FHIT: variants seen among roughly 807,000 people sequenced by gnomAD.
The protein encoded by FHIT is bis(5'-adenosyl)-triphosphatase.
A neutral mutation model predicts 17.9 loss-of-function variants in FHIT; 19 were observed. The ratio of observed to expected loss-of-function variants is 1.06; its 90% confidence interval spans 0.74 to 1.56. The LOEUF (loss-of-function observed/expected upper bound fraction) is 1.56, where lower values mean the gene tolerates loss of function less well. Among genes scored for constraint, FHIT ranks in the 40% most tolerant of loss-of-function variants. FHIT has a pLI of 0.00. For synonymous variants in FHIT, 81 were observed against 69.7 expected (o/e 1.16, Z -0.81); for missense variants, 248 against 189.2 (o/e 1.31, Z -1.82).
At chr3:61,207,759 CA>C (rs1342573436) in intron 1 of FHIT, among the ~76,000 whole-genome samples, 1 of 152,024 alleles carries the variant, frequency 6.6e-6, no homozygotes, top group Non-Finnish European at 1.5e-5. Context: ...TTGATCTTTT[CA>C]AAAAACCAGC....
At chr3:60,170,725 A>T (rs894220359) in intron 5 of FHIT, among the ~76,000 whole-genome samples, 5 of 152,182 alleles carry the variant, frequency 3.3e-5, no homozygotes, top group African/African-American at 1.2e-4. Flanking sequence ...GAAAAAAATA[A>T]CATTCTCCCA....
intron 5 of FHIT, among the ~76,000 whole-genome samples, chr3:60,384,708 A>AAAC (rs111660638): frequency 0.29 from 44,017 of 151,482 alleles, 6,517 homozygotes; most frequent in East Asian, 0.47. Context: ...CAAAATCTTA[A>AAAC]AACAACAACA....
At chr3:60,924,477 A>G (rs1707467967) in intron 3 of FHIT, among the ~76,000 whole-genome samples, 1 of 152,228 alleles carries the variant, frequency 6.6e-6, no homozygotes, top group Middle Eastern at 3.2e-3. Context: ...GCAAACTCTA[A>G]CAGACCTGCA....
intron 5 of FHIT, among the ~76,000 whole-genome samples, chr3:60,179,560 G>A (rs1375265396): frequency 1.3e-5 from 2 of 152,092 alleles, no homozygotes; most frequent in Non-Finnish European, 2.9e-5. Flanking sequence ...TTTGGAGGAT[G>A]TGCCATTTTT....
chr3:61,230,521 A>G (rs1329300229), intron 1 of FHIT, among the ~76,000 whole-genome samples: 1 of 152,144 alleles, frequency 6.6e-6, no homozygotes, highest in Non-Finnish European at 1.5e-5. Context: ...TATTTTTTTA[A>G]TAAATTACTG....
chr3:60,680,515 A>T (rs115933108), intron 4 of FHIT, among the ~76,000 whole-genome samples: 258 of 150,682 alleles, frequency 1.7e-3, no homozygotes, highest in African/African-American at 6.1e-3. Context: ...TAACATTTTC[A>T]TGGTAAAATG....
At chr3:61,052,352 A>C (rs1411699476) in intron 2 of FHIT, among the ~76,000 whole-genome samples, 3 of 152,126 alleles carry the variant, frequency 2.0e-5, no homozygotes, top group African/African-American at 7.2e-5. Flanking sequence ...CTTTAGAAAG[A>C]CTTGCTAACT....
rs79148932 is a variant in FHIT, at chr3:60,803,040, G to A, written c.-18+18879C>T. Reference sequence around the variant, plus strand: ...TAAATAAATAAATAAATAAATAGGAGAGTTTCTGTTTTCAACTGTTGATGG... The same window carrying A: ...TAAATAAATAAATAAATAAATAGGAAAGTTTCTGTTTTCAACTGTTGATGG... On this transcript the variant is annotated intron_variant, in intron 4 of 9. Transcript: ENST00000492590. Among the ~76,000 whole-genome samples, 1,480 of 151,876 alleles carry A rather than the reference G, an allele frequency of 9.7e-3. 29 individuals are homozygous for A. The highest frequency in any genetic ancestry group is 0.034 in the African/African-American group (1,390 of 41,214).
intron 3 of FHIT, among the ~76,000 whole-genome samples, chr3:60,957,282 G>C (rs6805796): frequency 0.35 from 47,659 of 136,032 alleles, 8,433 homozygotes; most frequent in Middle Eastern, 0.57. Context: ...TTGTTGCTCA[G>C]GCTGGAGTGC....
chr3:60,353,108 A>G (rs1230427433), intron 5 of FHIT, among the ~76,000 whole-genome samples: 1 of 152,204 alleles, frequency 6.6e-6, no homozygotes, highest in Non-Finnish European at 1.5e-5. Context: ...AAAAAATTTC[A>G]AGGTGATCTT....
chr3:61,220,927 A>G (rs1386672867), intron 1 of FHIT, among the ~76,000 whole-genome samples: 1 of 152,220 alleles, frequency 6.6e-6, no homozygotes, highest in Non-Finnish European at 1.5e-5. Flanking sequence ...TGCCCTTGCC[A>G]CATCTATTCA....
chr3:60,096,913 G>A (rs1260123107), intron 5 of FHIT, among the ~76,000 whole-genome samples: 4 of 151,690 alleles, frequency 2.6e-5, no homozygotes, highest in African/African-American at 9.7e-5. Context: ...AGGCACAGTG[G>A]CTTGTGCCTA....
chr3:61,208,146 G>C (rs1432555659), intron 1 of FHIT, among the ~76,000 whole-genome samples: 3 of 152,078 alleles, frequency 2.0e-5, no homozygotes, highest in Non-Finnish European at 4.4e-5. Context: ...TCTTAATCCT[G>C]AGTTCTAGTT....
chr3:60,856,812 G>A (rs1271058111), intron 3 of FHIT, among the ~76,000 whole-genome samples: 8 of 151,990 alleles, frequency 5.3e-5, no homozygotes, highest in African/African-American at 9.7e-5. Context: ...TCTTCAGTGC[G>A]TGGACCCTAT....
intron 2 of FHIT, among the ~76,000 whole-genome samples, chr3:61,052,620 G>A (rs1559943409): frequency 6.6e-6 from 1 of 152,168 alleles, no homozygotes; most frequent in Non-Finnish European, 1.5e-5. Flanking sequence ...TGTTATTGGA[G>A]TCAACAGACA....
At chr3:60,319,498 T>C (rs377375226) in intron 5 of FHIT, among the ~76,000 whole-genome samples, 4 of 151,092 alleles carry the variant, frequency 2.6e-5, no homozygotes, top group Non-Finnish European at 4.4e-5. Flanking sequence ...GGTATATAGA[T>C]TGGGATAACT....
At chr3:60,314,236 AAG>A (rs58066236) in intron 5 of FHIT, among the ~76,000 whole-genome samples, 18,406 of 152,156 alleles carry the variant, frequency 0.12, 1,288 homozygotes, top group South Asian at 0.19. Context: ...GATGATTAAT[AAG>A]AGATATAGGA....
intron 4 of FHIT, among the ~76,000 whole-genome samples, chr3:60,586,110 C>G (rs1553661754): frequency 6.6e-6 from 1 of 151,842 alleles, no homozygotes; most frequent in Non-Finnish European, 1.5e-5. Context: ...AAAAGTGGAA[C>G]CACAGAGAAA....
At chr3:60,276,333 G>A (rs546813999) in intron 5 of FHIT, among the ~76,000 whole-genome samples, 2 of 152,120 alleles carry the variant, frequency 1.3e-5, no homozygotes, top group Non-Finnish European at 2.9e-5. Flanking sequence ...GGAGACAGAG[G>A]AAGTCCAGCA....
Sources: allele counts gnomAD v4.1 joint callset (sites outside exome capture counted in the v4.1 genomes callset), GRCh38; gene constraint gnomAD v4.1.1; transcripts MANE v1.5; gene names NCBI Gene and HGNC (gene_info 2026-07-23, HGNC 2026-07-21).